The following ATL3 variants were observed in gnomAD, a reference collection of about 807,000 sequenced individuals.
The protein encoded by ATL3 is atlastin-3.
A neutral mutation model predicts 69.5 loss-of-function variants in ATL3; 49 were observed. The observed-to-expected ratio is 0.71, with a 90% confidence interval of 0.56 to 0.89. The LOEUF is 0.89. Among genes scored for constraint, ATL3 ranks in the 40% least tolerant of loss-of-function variants. ATL3 has a pLI of 0.00. For missense variants in ATL3, 606 were observed against 645.7 expected (o/e 0.94, Z 0.67); for synonymous variants, 214 against 224.1 (o/e 0.95, Z 0.40).
chr11:63,644,573 T>C (rs1382622461), intron 6 of ATL3, among the ~76,000 whole-genome samples: 2 of 151,954 alleles, frequency 1.3e-5, no homozygotes, highest in South Asian at 2.1e-4. Flanking sequence ...AATTTTTTTA[T>C]ATAGACAAGG....
intron 10 of ATL3, among the ~76,000 whole-genome samples, chr11:63,634,023 A>G (rs902701782): frequency 3.6e-5 from 5 of 139,952 alleles, no homozygotes; most frequent in Admixed American, 7.2e-5. Flanking sequence ...CAATAGAGCA[A>G]GACTCTGTCT....
rs541758438 is a variant in ATL3 at position 63,659,813 on chromosome 11, G to GT, written c.47-562dup. Among the ~76,000 whole-genome samples, 455 of 151,098 alleles carry GT rather than the reference G, an allele frequency of 3.0e-3. 2 individuals carry two copies. Among genetic ancestry groups the GT allele is most frequent in the African/African-American group, 0.011 (444 of 41,150 alleles). ...TAGCTGGGTGTGGTGGCACGCACCTGTAAGTCCTAGCTACTCGGGAGGCTG... is the reference window on the plus strand; with the variant it reads ...TAGCTGGGTGTGGTGGCACGCACCTGTTAAGTCCTAGCTACTCGGGAGGCTG... On this transcript the variant is annotated intron_variant, in intron 1 of 12. Coordinates refer to ENST00000398868, the MANE Select transcript of ATL3 (RefSeq NM_015459.5).
At chr11:63,671,401 CGAACCGGGCCCTG>C, upstream of ATL3, 2 of 1,526,638 alleles carry the variant, frequency 1.3e-6, no homozygotes, top group Non-Finnish European at 1.8e-6. Flanking sequence ...CGGGCGGGAA[CGAACCGGGCCCTG>C]GAAGCGGGAA....
chr11:63,671,142 G>A, intron 1 of ATL3, 148 bp downstream of exon 1: 1 of 1,371,304 alleles, frequency 7.3e-7, no homozygotes, highest in Non-Finnish European at 9.5e-7. Context: ...CCACAAATTC[G>A]GAAACCGAGT....
chr11:63,632,869 G>A (rs1939370279), intron 11 of ATL3, 157 bp downstream of exon 11: 3 of 770,706 alleles, frequency 3.9e-6, no homozygotes, highest in Non-Finnish European at 6.4e-6. Context: ...CAAAGAAATG[G>A]TAATAATTAG....
In ATL3 at chr11:63,641,687, A is replaced by G. The variant is rs570782359; in HGVS notation, c.850+1670T>C. ...CTTCTGGCTCCCTGACTTGCGGGGGAATAAATTTCCGTTGTCTTAAGCCAC... is the reference window on the plus strand; with the variant it reads ...CTTCTGGCTCCCTGACTTGCGGGGGGATAAATTTCCGTTGTCTTAAGCCAC... On this transcript the variant is annotated intron_variant, in intron 8 of 12. Transcript: ENST00000398868. Among the ~76,000 whole-genome samples, 71 of 152,262 alleles carry G rather than the reference A, an allele frequency of 4.7e-4. 1 individual carries two copies. In the South Asian group the frequency reaches 0.013, roughly 29 times the overall value.
At chr11:63,643,563 A>G (rs1939770308) in intron 7 of ATL3, 68 bp from the exon 8 acceptor site, 4 of 1,448,408 alleles carry the variant, frequency 2.8e-6, no homozygotes, top group Non-Finnish European at 3.8e-6. Context: ...GACAACTAGT[A>G]TAAGGACAAA....
intron 3 of ATL3, 22 bp from the exon 4 acceptor site, chr11:63,652,597 A>T (rs867036860): frequency 9.0e-6 from 14 of 1,549,858 alleles, no homozygotes; most frequent in Middle Eastern, 1.7e-4. Context: ...GAAAATACAA[A>T]CAAAAGAGAT....
chr11:63,644,443 G>A (rs1939803494), intron 6 of ATL3, among the ~76,000 whole-genome samples, 182 bp from the exon 7 acceptor site: 1 of 147,164 alleles, frequency 6.8e-6, no homozygotes, highest in African/African-American at 2.5e-5. Flanking sequence ...AGGCTAGAGT[G>A]CAGTGGCATG....
chr11:63,627,455 AG>A lies in ATL3; in HGVS notation c.*1863del, dbSNP rs991343023. The stretch of plus-strand genomic sequence containing the variant: ...AATTTAGGACTTACAAAAATACTTC[AG>A]TGGTAAAGTGTCAAAAGAAAATTCT... On this transcript the variant is annotated 3_prime_UTR_variant, in exon 13 of 13. Transcript: ENST00000398868. 6.6e-5 allele frequency: 10 copies of A among 152,222 alleles called. No homozygotes were observed. The highest frequency in any genetic ancestry group is 1.3e-4 in the Admixed American group (2 of 15,282). The allele number at this position is 152,222 out of a possible 1,614,324, so 9.4% of individuals were successfully genotyped here. A position where few individuals can be genotyped will look rare whatever the true frequency, so the allele number is the denominator to read the frequency against.
At chr11:63,631,622 A>G (rs1002700104) in intron 11 of ATL3, 151 bp from the exon 12 acceptor site, 5 of 747,298 alleles carry the variant, frequency 6.7e-6, no homozygotes, top group East Asian at 5.4e-5. Flanking sequence ...AGACCAATAA[A>G]GTCTAGTTTC....
chr11:63,633,165 C>G, intron 10 of ATL3, 68 bp from the exon 11 acceptor site: 2 of 1,288,658 alleles, frequency 1.6e-6, no homozygotes, highest in South Asian at 2.4e-5. Context: ...AATAACCTAA[C>G]AAAAATCTTC....
In ATL3 at chr11:63,656,688, C is replaced by G. The variant is rs568878452; in HGVS notation, c.405+2073G>C. 2.7e-5 allele frequency among the ~76,000 whole-genome samples: 4 copies of G among 149,072 alleles called. No homozygotes were observed. In the South Asian group the frequency reaches 8.5e-4, roughly 32 times the overall value. ...GGCAGAGGTTGAAGTGAGCCGAGAT[C>G]GCACCACTGCACTCCAGCCTGAGCA... On this transcript the variant is annotated intron_variant, in intron 3 of 12. Transcript: ENST00000398868.
At chr11:63,633,699 TAAGA>T (rs1453079984) in intron 10 of ATL3, among the ~76,000 whole-genome samples, 2 of 140,158 alleles carry the variant, frequency 1.4e-5, no homozygotes, top group African/African-American at 5.3e-5. Context: ...GCTCCAACTT[TAAGA>T]AATAGATGTG....
Position 63,625,378 on chromosome 11 carries a change from A to C in ATL3, c.*3941T>G, listed in dbSNP as rs1193505093. ...CAGGAAAGAAAAAAGTCCTGTGAAGACTTCCATGTAAGTTACATCATTTTT... is the reference window on the plus strand; with the variant it reads ...CAGGAAAGAAAAAAGTCCTGTGAAGCCTTCCATGTAAGTTACATCATTTTT... On this transcript the variant is annotated 3_prime_UTR_variant, in exon 13 of 13. Coordinates refer to ENST00000398868, the MANE Select transcript of ATL3 (RefSeq NM_015459.5). 2 of 152,194 alleles carry C rather than the reference A, an allele frequency of 1.3e-5. No individual in the cohort carries two copies. The highest frequency in any genetic ancestry group is 1.3e-4 in the Admixed American group (2 of 15,268). The allele number at this position is 152,194 out of a possible 1,614,324, so 9.4% of individuals were successfully genotyped here.
chr11:63,636,258 CT>C lies in ATL3; in HGVS notation c.926del (p.Lys309ArgfsTer45). On this transcript the variant is annotated frameshift_variant, in exon 9 of 13. Transcript: ENST00000398868. LOFTEE classifies it high-confidence loss of function. ...AGGTGACCTTTGAGCCATTGATCTC[CT>C]TTTCCATTAACTTAGATGGGTTTAA... ...YVLNPSKLME[K>X]EINGSKVTCR... is the part of the protein sequence containing the mutation. 1 of 1,614,156 alleles carries C rather than the reference CT, an allele frequency of 6.2e-7. No homozygotes were observed. The highest frequency in any genetic ancestry group is 8.5e-7 in the Non-Finnish European group (1 of 1,180,032).
chr11:63,660,895 T>C (rs1057469208), intron 1 of ATL3, among the ~76,000 whole-genome samples: 1 of 151,990 alleles, frequency 6.6e-6, no homozygotes. Context: ...AACTCTTTGA[T>C]GTAAATAATA....
rs1162711877 is a variant in ATL3, at chr11:63,627,504, A to T, written c.*1815T>A. The stretch of plus-strand genomic sequence containing the variant: ...TCTTTGATAAAGAGATTACATGCGA[A>T]AAGGGACTTTTTTTCTACCTTCCAT... On this transcript the variant is annotated 3_prime_UTR_variant, in exon 13 of 13. Coordinates refer to ENST00000398868, the MANE Select transcript of ATL3 (RefSeq NM_015459.5). 6.6e-6 allele frequency: 1 copy of T among 152,244 alleles called. No individual in the cohort carries two copies. Among genetic ancestry groups the T allele is most frequent in the African/African-American group, 2.4e-5 (1 of 41,468 alleles). The allele number at this position is 152,244 out of a possible 1,614,324, so 9.4% of individuals were successfully genotyped here.
intron 5 of ATL3, among the ~76,000 whole-genome samples, chr11:63,647,183 C>T (rs1939911070): frequency 6.6e-6 from 1 of 152,162 alleles, no homozygotes; most frequent in Non-Finnish European, 1.5e-5. Flanking sequence ...ATATTTCCTA[C>T]TTCGTGTCTT....
Sources: gnomAD v4.1 joint callset for allele counts (sites outside exome capture counted in the v4.1 genomes callset) on GRCh38, gnomAD v4.1.1 for gene constraint, MANE v1.5 for transcripts, NCBI Gene and HGNC (gene_info 2026-07-23, HGNC 2026-07-21) for gene names.